Variants in SLX4IP observed in about 807,000 individuals in gnomAD.
The protein encoded by SLX4IP is protein SLX4IP.
In SLX4IP, 34 loss-of-function variants were observed where a neutral mutation model predicts 32.9. That is an observed-to-expected ratio of 1.03 (90% CI 0.79 to 1.38). The LOEUF is 1.38. SLX4IP is among the 40% of genes most tolerant of loss of function. SLX4IP has a pLI of 0.00. For synonymous variants in SLX4IP, 172 were observed against 171.7 expected, an observed-to-expected ratio of 1.00 and a Z score of -0.01; for missense variants, 444 against 479.0, an observed-to-expected ratio of 0.93 and a Z score of 0.68.
At chr20:10,476,162 A>G (rs1221725662) in intron 2 of SLX4IP, among the ~76,000 whole-genome samples, 2 of 152,176 alleles carry the variant, frequency 1.3e-5, no homozygotes, top group East Asian at 3.9e-4. Flanking sequence ...GTGTGTATAT[A>G]TATATCTGTT....
intron 2 of SLX4IP, among the ~76,000 whole-genome samples, chr20:10,480,417 A>AT (rs397943174): frequency 6.6e-6 from 1 of 151,926 alleles, no homozygotes; most frequent in East Asian, 1.9e-4. Flanking sequence ...AAAAAAAAAA[A>AT]GGAAAATCAG....
chr20:10,483,242 C>T (rs879293421), intron 2 of SLX4IP, among the ~76,000 whole-genome samples: 6 of 152,158 alleles, frequency 3.9e-5, no homozygotes, highest in Non-Finnish European at 8.8e-5. Context: ...GCCTCAGCCT[C>T]ATGAGTAGGT....
chr20:10,575,196 C>T (rs1325138407), intron 4 of SLX4IP, among the ~76,000 whole-genome samples: 1 of 152,154 alleles, frequency 6.6e-6, no homozygotes, highest in Non-Finnish European at 1.5e-5. Flanking sequence ...AAAAACATTT[C>T]TTTTGGTGAT....
At chr20:10,533,617 CTTTTT>C (rs35385148) in intron 2 of SLX4IP, among the ~76,000 whole-genome samples, 3 of 95,588 alleles carry the variant, frequency 3.1e-5, no homozygotes, top group Admixed American at 1.1e-4. Flanking sequence ...CATTCTTGGC[CTTTTT>C]TTTTTTTTTT....
chr20:10,561,701 G>C (rs2066334504), intron 4 of SLX4IP, among the ~76,000 whole-genome samples: 1 of 151,878 alleles, frequency 6.6e-6, no homozygotes, highest in Admixed American at 6.6e-5. Context: ...AAAGTCTATT[G>C]TGCCATTCTT....
At chr20:10,526,550 G>A (rs2065941802) in intron 2 of SLX4IP, among the ~76,000 whole-genome samples, 1 of 152,198 alleles carries the variant, frequency 6.6e-6, no homozygotes, top group Non-Finnish European at 1.5e-5. Context: ...TGTGTTTTTA[G>A]TAGGCTTCTG....
chr20:10,476,541 T>G (rs988499528), intron 2 of SLX4IP, among the ~76,000 whole-genome samples: 1 of 152,218 alleles, frequency 6.6e-6, no homozygotes, highest in Admixed American at 6.5e-5. Flanking sequence ...CTGGATGGAA[T>G]CAGATGTTGC....
intron 2 of SLX4IP, among the ~76,000 whole-genome samples, chr20:10,553,337 AC>A (rs1287654917): frequency 6.6e-6 from 1 of 152,234 alleles, no homozygotes; most frequent in Non-Finnish European, 1.5e-5. Context: ...ACAAGGACAT[AC>A]ATTCCTATGT....
At chr20:10,585,408 C>T (rs1193059400) in intron 4 of SLX4IP, among the ~76,000 whole-genome samples, 1 of 152,150 alleles carries the variant, frequency 6.6e-6, no homozygotes, top group Non-Finnish European at 1.5e-5. Flanking sequence ...GTGGTCCTGC[C>T]CTTGCCCTTT....
At position 10,594,910 on chromosome 20, in the gene SLX4IP, T is replaced by A. The variant is rs535134692; in HGVS notation, c.239-3765T>A. On this transcript the variant is annotated intron_variant, in intron 4 of 7. Coordinates refer to ENST00000334534, the MANE Select transcript of SLX4IP (RefSeq NM_001009608.3). Reference sequence around the variant, plus strand: ...TTACTGACCACCTCTCCATTTTTTTTAAAGAGACTCAATAGTTTTTGATGA... The same window carrying A: ...TTACTGACCACCTCTCCATTTTTTTAAAAGAGACTCAATAGTTTTTGATGA... 2.6e-5 allele frequency among the ~76,000 whole-genome samples: 4 copies of A among 152,282 alleles called. No homozygotes were observed. In the South Asian group the frequency reaches 8.3e-4, roughly 32 times the overall value.
At chr20:10,474,498 C>G (rs1055138038) in intron 2 of SLX4IP, among the ~76,000 whole-genome samples, 1 of 152,222 alleles carries the variant, frequency 6.6e-6, no homozygotes, top group African/African-American at 2.4e-5. Context: ...TCCTAGACCC[C>G]CTTCCCTTCT....
At chr20:10,445,251 C>T (rs1483435009) in intron 1 of SLX4IP, among the ~76,000 whole-genome samples, 5 of 151,968 alleles carry the variant, frequency 3.3e-5, no homozygotes, top group African/African-American at 1.2e-4. Flanking sequence ...GGCAGGGGCA[C>T]CTTACTCTGG....
intron 4 of SLX4IP, among the ~76,000 whole-genome samples, chr20:10,572,799 C>T (rs191604092): frequency 1.3e-5 from 2 of 152,260 alleles, no homozygotes; most frequent in Admixed American, 6.5e-5. Flanking sequence ...GCCCTCTGCT[C>T]ACCCTTCTGT....
intron 2 of SLX4IP, among the ~76,000 whole-genome samples, chr20:10,513,118 G>A (rs1037558281): frequency 1.3e-5 from 2 of 152,034 alleles, no homozygotes; most frequent in African/African-American, 4.8e-5. Flanking sequence ...GAGGGAAAAC[G>A]AAGACCTCCT....
chr20:10,623,079 G>T lies in SLX4IP; in HGVS notation c.927G>T (p.Gly309=). Reference sequence around the variant, plus strand: ...CTGCGGAAGACTTCGACCACCACGGGAGAGTTTCTCTTGGAAGTGATCGAT... The same window carrying T: ...CTGCGGAAGACTTCGACCACCACGGTAGAGTTTCTCTTGGAAGTGATCGAT... ...CSSAEDFDHH[G]RVSLGSDRLV... Residue 309 remains glycine, a synonymous_variant, in exon 8 of 8, where the codon GGG becomes GGT. Coordinates refer to ENST00000334534, the MANE Select transcript of SLX4IP (RefSeq NM_001009608.3). The T allele has an allele frequency of 1.2e-6, 2 of 1,614,152 alleles. No homozygotes were observed. The highest frequency in any genetic ancestry group is 1.7e-6 in the Non-Finnish European group (2 of 1,180,002).
chr20:10,504,432 G>T (rs1233995123), intron 2 of SLX4IP, among the ~76,000 whole-genome samples: 2 of 152,130 alleles, frequency 1.3e-5, no homozygotes, highest in Admixed American at 6.5e-5. Flanking sequence ...GGGATGTAAA[G>T]AGCCCCTTCC....
At chr20:10,550,914 C>A (rs1286406791) in intron 2 of SLX4IP, among the ~76,000 whole-genome samples, 6 of 152,228 alleles carry the variant, frequency 3.9e-5, no homozygotes, top group Admixed American at 1.3e-4. Flanking sequence ...GTCACACATG[C>A]CACAGTGCCC....
intron 2 of SLX4IP, among the ~76,000 whole-genome samples, chr20:10,524,185 A>C (rs2065923455): frequency 6.6e-6 from 1 of 152,192 alleles, no homozygotes; most frequent in South Asian, 2.1e-4. Context: ...GGGTTTGTAA[A>C]GTGGACTGGC....
At chr20:10,577,785 A>C (rs1303792884) in intron 4 of SLX4IP, among the ~76,000 whole-genome samples, 1 of 152,238 alleles carries the variant, frequency 6.6e-6, no homozygotes, top group Admixed American at 6.5e-5. Context: ...CTGTAGGGCC[A>C]GGAAGCCTAC....
Sources: gnomAD v4.1 joint callset for allele counts (sites outside exome capture counted in the v4.1 genomes callset) on GRCh38, gnomAD v4.1.1 for gene constraint, MANE v1.5 for transcripts, NCBI Gene and HGNC (gene_info 2026-07-23, HGNC 2026-07-21) for gene names.